Variants in TPTE observed in about 807,000 individuals in gnomAD.
TPTE encodes putative tyrosine-protein phosphatase TPTE.
In TPTE, 59 loss-of-function variants were observed where a neutral mutation model predicts 84.1. The observed-to-expected ratio is 0.70, with a 90% CI of 0.57 to 0.87. The LOEUF is 0.87. TPTE is among the 40% of genes least tolerant of loss of function. The pLI is 0.00. For missense variants in TPTE, 382 were observed against 659.6 expected, an observed-to-expected ratio of 0.58 and a Z score of 4.61; for synonymous variants, 130 against 223.5, an observed-to-expected ratio of 0.58 and a Z score of 3.73.
chr21:10,538,948 G>T (rs2074317731), intron 4 of TPTE, among the ~76,000 whole-genome samples: 2 of 152,310 alleles, frequency 1.3e-5, no homozygotes, highest in South Asian at 4.1e-4. Context: ...GTTTATTCTG[G>T]GAAGCCTGCG....
At chr21:10,530,550 C>G (rs1393425471) in intron 3 of TPTE, among the ~76,000 whole-genome samples, 1 of 152,306 alleles carries the variant, frequency 6.6e-6, no homozygotes, top group African/African-American at 2.4e-5. Flanking sequence ...AAAAATTGCA[C>G]AGCATGCATC....
intron 3 of TPTE, among the ~76,000 whole-genome samples, chr21:10,531,438 C>T (rs1429146641): frequency 1.2e-4 from 18 of 152,306 alleles, no homozygotes; most frequent in Admixed American, 3.3e-4. Flanking sequence ...ATGGGAGCAG[C>T]CTCAGAAGCA....
At chr21:10,580,057 T>C (rs1170869356) in intron 17 of TPTE, among the ~76,000 whole-genome samples, 1 of 152,310 alleles carries the variant, frequency 6.6e-6, no homozygotes, top group Admixed American at 6.5e-5. Flanking sequence ...TCCTAACAGG[T>C]GTGAGGATAT....
chr21:10,576,838 C>CATATGTATAT (rs1568729458), intron 14 of TPTE, among the ~76,000 whole-genome samples: 2 of 135,946 alleles, frequency 1.5e-5, no homozygotes, highest in Non-Finnish European at 3.3e-5. Context: ...TACATATATA[C>CATATGTATAT]ATATATATAT....
At chr21:10,538,257 G>T (rs376399554) in intron 3 of TPTE, among the ~76,000 whole-genome samples, 592 of 152,196 alleles carry the variant, frequency 3.9e-3, no homozygotes, top group African/African-American at 0.013. Context: ...TTGTGTGCTT[G>T]ACTCAGACCT....
At chr21:10,571,863 G>A (rs556241421) in intron 14 of TPTE, among the ~76,000 whole-genome samples, 3 of 152,412 alleles carry the variant, frequency 2.0e-5, no homozygotes, top group Admixed American at 1.3e-4. Flanking sequence ...AAATTAGTTG[G>A]GTTTGGTGGT....
At chr21:10,561,379 C>A (rs1385523728) in intron 10 of TPTE, among the ~76,000 whole-genome samples, 188 bp downstream of exon 10, 56 of 152,064 alleles carry the variant, frequency 3.7e-4, no homozygotes, top group Admixed American at 7.2e-4. Context: ...GTAATCCCAG[C>A]TGTTTGGGAG....
intron 19 of TPTE, among the ~76,000 whole-genome samples, chr21:10,594,362 C>G (rs533988420): frequency 2.8e-3 from 431 of 151,702 alleles, no homozygotes; most frequent in Middle Eastern, 0.014. Flanking sequence ...GCATCATTCT[C>G]TAGTTATTTG....
At chr21:10,542,802 T>C (rs2074395076) in intron 6 of TPTE, among the ~76,000 whole-genome samples, 1 of 152,310 alleles carries the variant, frequency 6.6e-6, no homozygotes, top group Non-Finnish European at 1.5e-5. Context: ...TTAGTAACTT[T>C]GCATCCTTCT....
At chr21:10,585,295 GTT>G (rs112888884) in intron 17 of TPTE, among the ~76,000 whole-genome samples, 1 of 150,038 alleles carries the variant, frequency 6.7e-6, no homozygotes, top group East Asian at 2.0e-4. Flanking sequence ...CTTGCTAAGA[GTT>G]TTTTTTTTTA....
intron 10 of TPTE, among the ~76,000 whole-genome samples, chr21:10,563,408 G>A (rs2074848075): frequency 6.6e-6 from 1 of 152,278 alleles, no homozygotes; most frequent in Admixed American, 6.5e-5. Flanking sequence ...TCTAAGTAGA[G>A]AGACTAAACT....
intron 7 of TPTE, among the ~76,000 whole-genome samples, chr21:10,545,752 T>C (rs893792795): frequency 2.6e-5 from 4 of 151,834 alleles, no homozygotes; most frequent in Admixed American, 6.6e-5. Context: ...TTTGTGTGTA[T>C]ATAGATATAG....
At chr21:10,581,381 C>T (rs1247544368) in intron 17 of TPTE, among the ~76,000 whole-genome samples, 2 of 152,312 alleles carry the variant, frequency 1.3e-5, no homozygotes, top group South Asian at 2.1e-4. Context: ...GGAAAACAAT[C>T]ATTTCAAATC....
At chr21:10,560,587 A>T (rs1231687092) in intron 9 of TPTE, among the ~76,000 whole-genome samples, 2 of 152,306 alleles carry the variant, frequency 1.3e-5, no homozygotes, top group African/African-American at 4.8e-5. Context: ...GTCTTTTAAG[A>T]GCTTATGTTA....
At chr21:10,555,216 CT>C (rs1212404346) in intron 8 of TPTE, among the ~76,000 whole-genome samples, 31 of 151,800 alleles carry the variant, frequency 2.0e-4, no homozygotes, top group African/African-American at 4.6e-4. Context: ...TTTTTTCTCT[CT>C]TTTTTTTTTG....
At chr21:10,570,921 C>T (rs1169344092) in intron 14 of TPTE, among the ~76,000 whole-genome samples, 72 of 129,392 alleles carry the variant, frequency 5.6e-4, no homozygotes, top group Admixed American at 3.4e-3. Flanking sequence ...TGGCTACCCT[C>T]GACTGAAAGA....
chr21:10,544,578 G>C (rs964193885), intron 7 of TPTE, among the ~76,000 whole-genome samples: 2 of 152,302 alleles, frequency 1.3e-5, no homozygotes, highest in African/African-American at 4.8e-5. Flanking sequence ...TAGGGGCGGG[G>C]TTTCACTATA....
chr21:10,551,654 A>G (rs1346382328), intron 7 of TPTE, among the ~76,000 whole-genome samples: 1 of 152,298 alleles, frequency 6.6e-6, no homozygotes, highest in African/African-American at 2.4e-5. Context: ...AAAAATATCA[A>G]CAAACCATTA....
intron 8 of TPTE, among the ~76,000 whole-genome samples, chr21:10,556,621 G>T (rs1472677716): frequency 6.6e-6 from 1 of 152,310 alleles, no homozygotes; most frequent in Admixed American, 6.5e-5. Context: ...TCGCCACACT[G>T]TCTTCCACAA....
Sources: gnomAD v4.1 joint callset for allele counts (sites outside exome capture counted in the v4.1 genomes callset) on GRCh38, gnomAD v4.1.1 for gene constraint, MANE v1.5 for transcripts, NCBI Gene and HGNC (gene_info 2026-07-23, HGNC 2026-07-21) for gene names.